The following CLIP4 variants were observed in gnomAD, a reference collection of about 807,000 sequenced individuals.
CLIP4 encodes CAP-Gly domain-containing linker protein 4.
CLIP4 carries 47 observed loss-of-function variants against 73.1 expected under a neutral mutation model. The observed-to-expected ratio is 0.64, with a 90% CI of 0.51 to 0.82. CLIP4 has a LOEUF of 0.82. Ranked by LOEUF, CLIP4 falls within the 40% of genes least tolerant of loss-of-function variation. The pLI is 0.00. For missense variants in CLIP4, 874 were observed against 852.9 expected, an observed-to-expected ratio of 1.02 and a Z score of -0.31; for synonymous variants, 306 against 295.4, an observed-to-expected ratio of 1.04 and a Z score of -0.37.
intron 2 of CLIP4, among the ~76,000 whole-genome samples, chr2:29,124,312 G>T (rs1300720283): frequency 6.6e-6 from 1 of 152,160 alleles, no homozygotes. Flanking sequence ...GAAAGATCTT[G>T]CTCTGCTCTC....
rs371422619 is a variant in CLIP4 at position 29,152,799 on chromosome 2, T to C, written c.1136T>C (p.Val379Ala). The C allele has an allele frequency of 3.1e-6, 5 of 1,613,658 alleles. No individual in the cohort carries two copies. The African/African-American group carries it at 6.7e-5, about 22-fold the overall frequency. ...VPLIRSQKID[V>A]AHVTSKVNTG... ...CTCATCAGGTCCCAGAAAATTGACG[T>C]AGCTCATGTGACGTCAAAAGTAAAT... Residue 379 changes from valine to alanine, a missense_variant, in exon 9 of 16, where the codon GTA (valine) becomes GCA (alanine). By Grantham distance (64) the Val-to-Ala change is moderately conservative. Transcript: ENST00000320081.
At chr2:29,105,777 C>T (rs1315163922) in intron 1 of CLIP4, among the ~76,000 whole-genome samples, 2 of 152,130 alleles carry the variant, frequency 1.3e-5, no homozygotes. Context: ...TTTTCCTTCC[C>T]CCATGTGAGG....
chr2:29,176,303 A>G (rs915776948), intron 15 of CLIP4, among the ~76,000 whole-genome samples: 11 of 152,176 alleles, frequency 7.2e-5, no homozygotes, highest in Non-Finnish European at 1.2e-4. Flanking sequence ...GTTCTGAGAC[A>G]CGTGTGTTGA....
At chr2:29,106,056 C>CTTTTTT (rs34819898) in intron 1 of CLIP4, among the ~76,000 whole-genome samples, 3,045 of 144,852 alleles carry the variant, frequency 0.021, 92 homozygotes, top group East Asian at 0.087. Context: ...AGCATTTAAT[C>CTTTTTT]TTTTTTTTTT....
chr2:29,123,135 T>G (rs755215812), intron 2 of CLIP4, among the ~76,000 whole-genome samples: 14 of 152,246 alleles, frequency 9.2e-5, no homozygotes, highest in Non-Finnish European at 1.8e-4. Context: ...GGATAGCCTT[T>G]AAGTATCTGC....
intron 15 of CLIP4, chr2:29,174,761 T>A: frequency 1.4e-6 from 1 of 724,504 alleles, no homozygotes; most frequent in Non-Finnish European, 1.7e-6. Context: ...AAACTCTCCT[T>A]AAGTAATGAG....
intron 6 of CLIP4, among the ~76,000 whole-genome samples, chr2:29,136,928 G>A (rs1414514580): frequency 1.3e-5 from 2 of 151,444 alleles, no homozygotes; most frequent in Non-Finnish European, 2.9e-5. Context: ...AGATTAATAG[G>A]TTGCCATATT....
At chr2:29,145,033 T>TG (rs1666057552) in intron 7 of CLIP4, among the ~76,000 whole-genome samples, 199 bp from the exon 8 acceptor site, 1 of 151,948 alleles carries the variant, frequency 6.6e-6, no homozygotes, top group Non-Finnish European at 1.5e-5. Flanking sequence ...TTTTCATCCT[T>TG]GGTAATGTTC....
At position 29,183,508 on chromosome 2, in the gene CLIP4, CTATT is replaced by C. The variant is rs1432433535; in HGVS notation, c.*1619_*1622del. ...TTATACAGATTATTTCTTAAAAACTCTATTTATACCTTAACATGAAATCCATGAC... is the reference window on the plus strand; with the variant it reads ...TTATACAGATTATTTCTTAAAAACTCTATACCTTAACATGAAATCCATGAC... On this transcript the variant is annotated 3_prime_UTR_variant, in exon 16 of 16. Transcript: ENST00000320081. 5 of 152,592 alleles carry C rather than the reference CTATT, an allele frequency of 3.3e-5. No individual in the cohort carries two copies. Among genetic ancestry groups the C allele is most frequent in the Admixed American group, 1.3e-4 (2 of 15,270 alleles). The allele number at this position is 152,592 out of a possible 1,614,324, so 9.5% of individuals were successfully genotyped here.
chr2:29,113,751 A>G (rs1572862435), upstream of CLIP4, among the ~76,000 whole-genome samples: 1 of 152,376 alleles, frequency 6.6e-6, no homozygotes, highest in Admixed American at 6.5e-5. This position sits in a 1 kb window ranked among gnomAD's most constrained non-coding sequence, Gnocchi z 4.0. Context: ...TAAATCAGCA[A>G]TAAAAGTGAA....
chr2:29,181,547 T>G (rs778619830), intron 15 of CLIP4, 25 bp from the exon 16 acceptor site: 2 of 1,529,394 alleles, frequency 1.3e-6, no homozygotes, highest in Non-Finnish European at 1.8e-6. Context: ...CTAAATAATT[T>G]TTCCCACTTT....
chr2:29,131,149 A>T, intron 2 of CLIP4, 109 bp from the exon 3 acceptor site: 1 of 991,180 alleles, frequency 1.0e-6, no homozygotes, highest in Non-Finnish European at 1.5e-6. Context: ...ATTTTTTTTT[A>T]GCATCTAAAA....
chr2:29,150,181 T>A (rs556190764), intron 8 of CLIP4, among the ~76,000 whole-genome samples: 2 of 152,236 alleles, frequency 1.3e-5, no homozygotes, highest in South Asian at 4.1e-4. Flanking sequence ...CTCTTCCCAC[T>A]CCAATTAATT....
chr2:29,115,248 G>A (rs1663692008), upstream of CLIP4: 1 of 152,248 alleles, frequency 6.6e-6, no homozygotes, highest in East Asian at 1.9e-4. The surrounding 1 kb of genome is among the most constrained non-coding windows in gnomAD (Gnocchi z 5.1). Flanking sequence ...GGGCACGCAC[G>A]GCGTGCCGGG....
intron 15 of CLIP4, among the ~76,000 whole-genome samples, chr2:29,178,698 G>A (rs1233879723): frequency 3.3e-5 from 5 of 152,166 alleles, no homozygotes; most frequent in Non-Finnish European, 7.3e-5. Context: ...ATAGATGCCA[G>A]ACTTCTAAAA....
intron 6 of CLIP4, among the ~76,000 whole-genome samples, chr2:29,140,325 C>T (rs1246980608): frequency 2.0e-5 from 3 of 152,016 alleles, no homozygotes; most frequent in South Asian, 2.1e-4. Context: ...TGAGAATATG[C>T]GGTGTTTGGT....
intron 8 of CLIP4, among the ~76,000 whole-genome samples, chr2:29,147,349 A>G (rs753145707): frequency 2.6e-5 from 4 of 152,060 alleles, no homozygotes; most frequent in South Asian, 2.1e-4. Context: ...TAAAATACAT[A>G]CTTATGATAT....
At chr2:29,147,079 G>A (rs1666221575) in intron 8 of CLIP4, among the ~76,000 whole-genome samples, 1 of 152,106 alleles carries the variant, frequency 6.6e-6, no homozygotes. Flanking sequence ...TAATATCCTA[G>A]TGTAATTTCC....
intron 13 of CLIP4, among the ~76,000 whole-genome samples, chr2:29,166,406 C>A (rs895057401): frequency 6.6e-6 from 1 of 151,794 alleles, no homozygotes; most frequent in Non-Finnish European, 1.5e-5. Context: ...TTTCTACACC[C>A]GCCTACTATT....
Sources: allele counts gnomAD v4.1 joint callset (sites outside exome capture counted in the v4.1 genomes callset), GRCh38; gene constraint gnomAD v4.1.1; non-coding constraint Gnocchi (gnomAD v3.1); transcripts MANE v1.5; gene names NCBI Gene and HGNC (gene_info 2026-07-23, HGNC 2026-07-21).